Variants in TOP3B observed in about 807,000 individuals in gnomAD.
TOP3B encodes the protein DNA topoisomerase III beta.
In TOP3B, 45 loss-of-function variants were observed where a neutral mutation model predicts 93.9. The ratio of observed to expected loss-of-function variants is 0.48; its 90% confidence interval spans 0.38 to 0.61. The LOEUF is 0.61. TOP3B is among the 20% of genes least tolerant of loss of function. TOP3B has a pLI of 0.00. For missense variants in TOP3B, 750 were observed against 1,156.1 expected (o/e 0.65, Z 5.09); for synonymous variants, 357 against 472.6 (o/e 0.76, Z 3.17).
At chr22:21,967,143 G>C (rs1238652072) in intron 8 of TOP3B, 1 of 171,658 alleles carries the variant, frequency 5.8e-6, no homozygotes, top group African/African-American at 2.4e-5. Context: ...GAAGCCCTGA[G>C]TAAGAAACAT....
chr22:21,959,973 G>T, intron 14 of TOP3B: 2 of 643,522 alleles, frequency 3.1e-6, no homozygotes, highest in Non-Finnish European at 5.3e-6. Flanking sequence ...ATGTCCTGTG[G>T]CTAGAACCAC....
In TOP3B at chr22:21,971,897, C is replaced by T; in HGVS notation, c.364G>A (p.Gly122Arg). Residue 122 changes from glycine to arginine, a missense_variant, in exon 5 of 18, where the codon GGG becomes AGG. By Grantham distance (125) the Gly-to-Arg change is moderately radical. Coordinates refer to ENST00000357179, the MANE Select transcript of TOP3B (RefSeq NM_001282112.2). This position sits in a 1 kb window ranked among gnomAD's most constrained non-coding sequence, Gnocchi z 4.6. ...CTCACCTCAAAGCAGATGTTCTCCC[C>T]CTCCTTGTCGCAGTCCAGCCACAGC... Reference protein sequence around the residue: ...IVLWLDCDKEGENICFEVLDA... With the variant: ...IVLWLDCDKERENICFEVLDA... 1 of 1,614,070 alleles carries T rather than the reference C, an allele frequency of 6.2e-7. No homozygotes were observed. The highest frequency in any genetic ancestry group is 2.2e-5 in the East Asian group (1 of 44,870).
At chr22:21,972,796 C>A in intron 3 of TOP3B, 78 bp from the exon 4 acceptor site, 1 of 1,202,248 alleles carries the variant, frequency 8.3e-7, no homozygotes, top group South Asian at 1.2e-5. Flanking sequence ...GGATGTTGGC[C>A]TCATCCCACA....
chr22:21,962,553 C>T lies in TOP3B; in HGVS notation c.1401G>A (p.Leu467=), dbSNP rs973760388. 1 of 1,613,656 alleles carries T rather than the reference C, an allele frequency of 6.2e-7. No individual in the cohort carries two copies. The highest frequency in any genetic ancestry group is 8.5e-7 in the Non-Finnish European group (1 of 1,180,036). The change falls in exon 13 of 18, where the codon CTG becomes CTA. Residue 467 remains leucine, a synonymous_variant. Coordinates refer to ENST00000357179, the MANE Select transcript of TOP3B (RefSeq NM_001282112.2). The stretch of plus-strand genomic sequence containing the variant: ...AGGCATCACCCCGCTGGCAAGTGGG[C>T]AGGCTCTCCTCCAGGGGCACGCTCT... ...PWQSVPLEES[L]PTCQRGDAFP...
chr22:21,979,662 C>A (rs1450116368), intron 1 of TOP3B, among the ~76,000 whole-genome samples: 2 of 149,672 alleles, frequency 1.3e-5, no homozygotes, highest in Non-Finnish European at 3.0e-5. Flanking sequence ...CATTCTCTGG[C>A]CGGGCGCGGT....
intron 2 of TOP3B, 80 bp from the exon 3 acceptor site, chr22:21,974,568 C>A: frequency 6.9e-7 from 1 of 1,456,198 alleles, no homozygotes; most frequent in South Asian, 1.3e-5. Context: ...CGGATGCCAC[C>A]TCCCAGAGGG....
chr22:21,964,143 C>T lies in TOP3B; in HGVS notation c.1098+18G>A, dbSNP rs368585116. The stretch of plus-strand genomic sequence containing the variant: ...CAGTGACACACACACATGCTGAGGC[C>T]GGCCCGGCTCCACTCACCGTGTCGG... On this transcript the variant is annotated intron_variant, in intron 10 of 17. Transcript: ENST00000357179. The T allele has an allele frequency of 2.2e-4, 348 of 1,613,802 alleles. No homozygotes were observed. The African/African-American group carries it at 3.6e-3, about 17-fold the overall frequency.
Position 21,965,278 on chromosome 22 carries a change from T to C in TOP3B, c.943+7A>G. ...TCTGGTGACTTGAGAGAAATGTCCCTACATACCCAGAGAAGAGCTGGCCAC... is the reference window on the plus strand; with the variant it reads ...TCTGGTGACTTGAGAGAAATGTCCCCACATACCCAGAGAAGAGCTGGCCAC... On this transcript the variant is annotated splice_region_variant and intron_variant, in intron 9 of 17. Coordinates refer to ENST00000357179, the MANE Select transcript of TOP3B (RefSeq NM_001282112.2). 2 of 1,583,368 alleles carry C rather than the reference T, an allele frequency of 1.3e-6. No individual in the cohort carries two copies. The highest frequency in any genetic ancestry group is 1.7e-6 in the Non-Finnish European group (2 of 1,163,458).
Position 21,958,481 on chromosome 22 carries a change from G to A in TOP3B, c.2107+11C>T. On this transcript the variant is annotated intron_variant, in intron 17 of 17. Transcript: ENST00000357179. ...AGCTACCTGTGGACAGGAGGGAGTG[G>A]CTGCACTCACCTTTCTTCATGTCTC... is the stretch of plus-strand genomic sequence containing the variant. 1 of 1,613,884 alleles carries A rather than the reference G, an allele frequency of 6.2e-7. No homozygotes were observed. The highest frequency in any genetic ancestry group is 8.5e-7 in the Non-Finnish European group (1 of 1,180,032).
intron 1 of TOP3B, among the ~76,000 whole-genome samples, chr22:21,981,684 C>G (rs1450766428): frequency 6.6e-6 from 1 of 152,072 alleles, no homozygotes; most frequent in African/African-American, 2.4e-5. Context: ...GTAATCCCAG[C>G]TACTCAGGAG....
chr22:21,972,666 A>G lies in TOP3B; in HGVS notation c.255T>C (p.Ala85=). Residue 85 remains alanine, a synonymous_variant, in exon 4 of 18, where the codon GCT becomes GCC. Transcript: ENST00000357179. ...GGTTAGCTTCTTTCTTCTCCGTGGG[A>G]GCTTGGCTGAACAGTTCTGCGGGGT... ...KVDPAELFSQ[A]PTEKKEANPK... 4 of 1,612,316 alleles carry G rather than the reference A, an allele frequency of 2.5e-6. No individual in the cohort carries two copies. The highest frequency in any genetic ancestry group is 2.5e-6 in the Non-Finnish European group (3 of 1,179,486).
Position 21,964,320 on chromosome 22 carries a change from G to C in TOP3B, c.944-5C>G, listed in dbSNP as rs749310888. 1.1e-5 allele frequency: 18 copies of C among 1,613,032 alleles called. No individual in the cohort carries two copies. Among genetic ancestry groups the C allele is most frequent in the African/African-American group, 5.3e-5 (4 of 75,036 alleles). ...TGGCGTGCTGCGGCCCCATGCCTGCGAGAGACAGGAGGTTCTCAGAGGGCC... is the reference window on the plus strand; with the variant it reads ...TGGCGTGCTGCGGCCCCATGCCTGCCAGAGACAGGAGGTTCTCAGAGGGCC... On this transcript the variant is annotated splice_region_variant and splice_polypyrimidine_tract_variant and intron_variant, in intron 9 of 17. Transcript: ENST00000357179.
chr22:21,958,565 T>C lies in TOP3B; in HGVS notation c.2034A>G (p.Ser678=), dbSNP rs1356615768. Residue 678 remains serine (S), a synonymous_variant, in exon 17 of 18, where the codon TCA becomes TCG. Transcript: ENST00000357179. ...LDDFELVLWS[S]GSRGKSYPLC... ...GCGGGTAGCTCTTGCCCCGAGAGCC[T>C]GATGACCACAGGACCAGCTCGAAGT... The C allele has an allele frequency of 6.2e-7, 1 of 1,613,978 alleles. No homozygotes were observed. The highest frequency in any genetic ancestry group is 2.2e-5 in the East Asian group (1 of 44,880).
chr22:21,981,754 C>A (rs2145895588), intron 1 of TOP3B, among the ~76,000 whole-genome samples: 1 of 152,186 alleles, frequency 6.6e-6, no homozygotes, highest in Admixed American at 6.5e-5. Context: ...TGAGATCGCG[C>A]CACTGCACTC....
At chr22:21,962,975 G>T (rs1569145210) in intron 11 of TOP3B, 82 bp from the exon 12 acceptor site, 1 of 1,528,344 alleles carries the variant, frequency 6.5e-7, no homozygotes, top group Admixed American at 1.8e-5. Flanking sequence ...CGCTCGAGCA[G>T]CAAGCTCCTG....
intron 3 of TOP3B, chr22:21,973,769 C>T (rs1161300278): frequency 1.3e-5 from 2 of 152,330 alleles, no homozygotes; most frequent in Admixed American, 1.3e-4. Context: ...GAATCCTTAG[C>T]CTTGGGAAGC....
rs762252028 is a variant in TOP3B at position 21,974,393 on chromosome 22, A to C, written c.166T>G (p.Ser56Ala). The C allele has an allele frequency of 6.2e-7, 1 of 1,614,020 alleles. No individual in the cohort carries two copies. Among genetic ancestry groups the C allele is most frequent in the Non-Finnish European group, 8.5e-7 (1 of 1,180,026 alleles). ...AGQPVRFKMT[S>A]VCGHVMTLDF... Reference sequence around the variant, plus strand: ...AGGGTCATCACGTGACCACAGACAGACGTCATCTTGAAGCGCACTGGCTGG... The same window carrying C: ...AGGGTCATCACGTGACCACAGACAGCCGTCATCTTGAAGCGCACTGGCTGG... The change falls in exon 3 of 18, where the codon TCT (serine) becomes GCT (alanine). Residue 56 changes from serine to alanine, a missense_variant. By Grantham distance (99) the Ser-to-Ala change is moderately conservative. Transcript: ENST00000357179.
chr22:21,979,872 C>T (rs1027660984), intron 1 of TOP3B, among the ~76,000 whole-genome samples: 7 of 139,732 alleles, frequency 5.0e-5, no homozygotes, highest in East Asian at 4.5e-4. Context: ...ACCCGGGAAG[C>T]GGAGCTTGCA....
rs777601628 is a variant in TOP3B, at chr22:21,967,723, G to A, written c.739-7C>T. 4 of 1,608,420 alleles carry A rather than the reference G, an allele frequency of 2.5e-6. No individual in the cohort carries two copies. In the South Asian group the frequency reaches 3.3e-5, roughly 13 times the overall value. ...TGTCTTTGTCAGTGTTAACCTGCAG[G>A]AAAAAGGATAAAGGGTGAACGCACA... On this transcript the variant is annotated splice_polypyrimidine_tract_variant and splice_region_variant and intron_variant, in intron 7 of 17. Coordinates refer to ENST00000357179, the MANE Select transcript of TOP3B (RefSeq NM_001282112.2).
Sources: gnomAD v4.1 joint callset for allele counts (sites outside exome capture counted in the v4.1 genomes callset) on GRCh38, gnomAD v4.1.1 for gene constraint, Gnocchi (gnomAD v3.1) non-coding constraint, MANE v1.5 for transcripts, NCBI Gene and HGNC (gene_info 2026-07-23, HGNC 2026-07-21) for gene names.